Variants in CSMD2 observed in about 807,000 individuals in gnomAD.
The protein encoded by CSMD2 is CUB and sushi domain-containing protein 2.
Under a neutral mutation model 398.5 loss-of-function variants are expected in CSMD2, and 130 were observed. The observed-to-expected ratio is 0.33, with a 90% confidence interval of 0.28 to 0.38. The LOEUF (loss-of-function observed/expected upper bound fraction) is 0.38. Ranked by LOEUF, CSMD2 falls within the 10% of genes least tolerant of loss-of-function variation. The pLI, the probability that CSMD2 is intolerant of heterozygous loss-of-function variation, is 1.00. For missense variants in CSMD2, 3,829 were observed against 4,764.9 expected, an observed-to-expected ratio of 0.80 and a Z score of 5.78; for synonymous variants, 1,828 against 1,908.5, an observed-to-expected ratio of 0.96 and a Z score of 1.10.
intron 7 of CSMD2, among the ~76,000 whole-genome samples, chr1:33,823,227 A>G (rs985237434): frequency 3.9e-5 from 6 of 152,020 alleles, no homozygotes; most frequent in African/African-American, 9.7e-5. Flanking sequence ...CACAAACCCA[A>G]CGGTGACGCG....
At chr1:33,896,710 G>A (rs1258837018) in intron 5 of CSMD2, among the ~76,000 whole-genome samples, 2 of 152,138 alleles carry the variant, frequency 1.3e-5, no homozygotes, top group Non-Finnish European at 2.9e-5. Context: ...GGCTGAGAAG[G>A]AGCAAACATG....
At chr1:33,615,162 G>T (rs12049260) in intron 39 of CSMD2, among the ~76,000 whole-genome samples, 35,705 of 152,072 alleles carry the variant, frequency 0.23, 5,287 homozygotes, top group African/African-American at 0.43. Context: ...GAAAAGTGAC[G>T]GTGATCAGCA....
rs115303533 is a variant in CSMD2, at chr1:33,564,706, G to T, written c.8380+2887C>A. Among the ~76,000 whole-genome samples, 375 of 152,208 alleles carry T rather than the reference G, an allele frequency of 2.5e-3. 2 individuals are homozygous for T. Among genetic ancestry groups the T allele is most frequent in the African/African-American group, 8.7e-3 (363 of 41,524 alleles). On this transcript the variant is annotated intron_variant, in intron 53 of 70. Transcript: ENST00000373381. ...GCACAAGCTACAATATCTGGCTTGGGTCTTGCTTTCTGTAACCCTTAAGAA... is the reference window on the plus strand; with the variant it reads ...GCACAAGCTACAATATCTGGCTTGGTTCTTGCTTTCTGTAACCCTTAAGAA...
At chr1:33,880,760 G>T (rs6425855) in intron 5 of CSMD2, among the ~76,000 whole-genome samples, 127,733 of 152,224 alleles carry the variant, frequency 0.84, 54,108 homozygotes, top group African/African-American at 0.96. Context: ...TATACTCAAA[G>T]AAAGTACAAA....
At chr1:34,070,853 T>A (rs1045782769) in intron 2 of CSMD2, among the ~76,000 whole-genome samples, 2 of 150,314 alleles carry the variant, frequency 1.3e-5, no homozygotes. Flanking sequence ...AGAGCCAAGA[T>A]GCGTCCCCGT....
At chr1:34,124,920 A>C (rs1375679622) in intron 1 of CSMD2, among the ~76,000 whole-genome samples, 1 of 152,328 alleles carries the variant, frequency 6.6e-6, no homozygotes, top group South Asian at 2.1e-4. Flanking sequence ...CTCAGTTTCC[A>C]TCAATGCCCC....
intron 6 of CSMD2, among the ~76,000 whole-genome samples, chr1:33,831,142 A>G (rs1313601541): frequency 2.0e-5 from 3 of 151,974 alleles, no homozygotes; most frequent in African/African-American, 7.3e-5. Flanking sequence ...CAACGTTCAG[A>G]TTCAGGAAAT....
intron 49 of CSMD2, among the ~76,000 whole-genome samples, chr1:33,574,226 GAACT>G (rs1032387071): frequency 4.3e-4 from 66 of 152,168 alleles, no homozygotes; most frequent in Middle Eastern, 6.8e-3. Flanking sequence ...AAAAATGACA[GAACT>G]AACTCAAGAA....
At chr1:33,525,183 G>T in intron 65 of CSMD2, 140 bp from the exon 66 acceptor site, 1 of 867,260 alleles carries the variant, frequency 1.2e-6, no homozygotes, top group Non-Finnish European at 1.8e-6. Context: ...GTGGTAGAAT[G>T]CTCTGGCCTC....
intron 1 of CSMD2, among the ~76,000 whole-genome samples, chr1:34,161,855 C>CATG (rs1218158680): frequency 1.3e-5 from 2 of 151,998 alleles, no homozygotes; most frequent in African/African-American, 4.8e-5. Context: ...AGCCTGTTCA[C>CATG]AGGTCAAAGG....
At chr1:33,680,506 G>A (rs1184945843) in intron 25 of CSMD2, among the ~76,000 whole-genome samples, 1 of 152,090 alleles carries the variant, frequency 6.6e-6, no homozygotes, top group Admixed American at 6.6e-5. Flanking sequence ...CCTTTGCTCA[G>A]CATCTGAGTC....
chr1:33,827,455 C>T (rs1417544731), intron 6 of CSMD2, among the ~76,000 whole-genome samples: 1 of 152,176 alleles, frequency 6.6e-6, no homozygotes, highest in Admixed American at 6.5e-5. Flanking sequence ...GACTTGCTCC[C>T]CTTTTCCCTT....
chr1:33,658,222 G>T, intron 26 of CSMD2, 85 bp from the exon 27 acceptor site: 1 of 1,187,558 alleles, frequency 8.4e-7, no homozygotes, highest in Admixed American at 1.9e-5. Flanking sequence ...CTCACTGATT[G>T]CCATCATCCG....
intron 13 of CSMD2, among the ~76,000 whole-genome samples, chr1:33,771,880 T>C (rs1430862218): frequency 1.3e-5 from 2 of 152,112 alleles, no homozygotes; most frequent in Non-Finnish European, 2.9e-5. Flanking sequence ...TGTCTGGGCC[T>C]CCCTTGGCTA....
intron 5 of CSMD2, among the ~76,000 whole-genome samples, chr1:33,879,236 A>G (rs1258632575): frequency 6.6e-6 from 1 of 152,136 alleles, no homozygotes; most frequent in Non-Finnish European, 1.5e-5. Context: ...TTCTGGAAAT[A>G]GTCTGCTGTC....
intron 19 of CSMD2, among the ~76,000 whole-genome samples, chr1:33,722,216 C>T (rs1464394018): frequency 2.6e-5 from 4 of 152,142 alleles, no homozygotes; most frequent in Non-Finnish European, 5.9e-5. Context: ...CAGATAAATT[C>T]CAGTAAGTGG....
At position 33,518,835 on chromosome 1, in the gene CSMD2, T is replaced by G. The variant is rs1480601045; in HGVS notation, c.*53+630A>C. On this transcript the variant is annotated intron_variant, in intron 70 of 70. Transcript: ENST00000373381. The surrounding 1 kb of genome is among the most constrained non-coding windows in gnomAD (Gnocchi z 4.3). ...CTCTCTAAATATATATTTATTTATATTTCTATCTCTATATAACATTTACAT... is the reference window on the plus strand; with the variant it reads ...CTCTCTAAATATATATTTATTTATAGTTCTATCTCTATATAACATTTACAT... Among the ~76,000 whole-genome samples the G allele has an allele frequency of 6.6e-6, 1 of 152,188 alleles. No individual in the cohort carries two copies. The highest frequency in any genetic ancestry group is 1.5e-5 in the Non-Finnish European group (1 of 68,028).
intron 41 of CSMD2, among the ~76,000 whole-genome samples, chr1:33,608,680 A>G (rs1640792957): frequency 6.6e-6 from 1 of 152,178 alleles, no homozygotes. Context: ...AGATGAAGCC[A>G]GAGGTCGGGG....
intron 9 of CSMD2, among the ~76,000 whole-genome samples, chr1:33,814,373 T>C (rs546209995): frequency 6.6e-6 from 1 of 152,336 alleles, no homozygotes; most frequent in African/African-American, 2.4e-5. Context: ...TCCTAGCTAT[T>C]GCCCAGTGAC....
Sources: gnomAD v4.1 joint callset for allele counts (sites outside exome capture counted in the v4.1 genomes callset) on GRCh38, gnomAD v4.1.1 for gene constraint, Gnocchi (gnomAD v3.1) non-coding constraint, MANE v1.5 for transcripts, NCBI Gene and HGNC (gene_info 2026-07-23, HGNC 2026-07-21) for gene names.